WLS: variants seen among roughly 807,000 people sequenced by gnomAD.
The protein encoded by WLS is protein wntless homolog.
A neutral mutation model predicts 62.8 loss-of-function variants in WLS; 23 were observed. The observed-to-expected ratio is 0.37, with a 90% CI of 0.26 to 0.52. The LOEUF (loss-of-function observed/expected upper bound fraction) is 0.52. Among genes scored for constraint, WLS ranks in the 20% least tolerant of loss-of-function variants. WLS has a pLI of 0.92. For synonymous variants in WLS, 246 were observed against 244.1 expected (o/e 1.01, Z -0.07); for missense variants, 615 against 697.3 (o/e 0.88, Z 1.33).
chr1:68,170,656 A>G (rs951376965), intron 2 of WLS, among the ~76,000 whole-genome samples: 2 of 151,850 alleles, frequency 1.3e-5, no homozygotes, highest in Admixed American at 6.6e-5. Context: ...CATCTTCTGG[A>G]ATTCCCCCCA....
At chr1:68,193,431 A>AAAAAAAAAAAAC (rs1648468671) in intron 2 of WLS, among the ~76,000 whole-genome samples, 1 of 140,886 alleles carries the variant, frequency 7.1e-6, no homozygotes, top group African/African-American at 2.8e-5. Context: ...AAAAAAAAAA[A>AAAAAAAAAAAAC]AAAAAAAAAA....
At chr1:68,151,407 A>C (rs1269429894) in intron 5 of WLS, among the ~76,000 whole-genome samples, 1 of 152,224 alleles carries the variant, frequency 6.6e-6, no homozygotes, top group Non-Finnish European at 1.5e-5. Context: ...ATCCAATAAA[A>C]AGTTTAAACA....
At chr1:68,149,092 T>C (rs568217547) in intron 6 of WLS, among the ~76,000 whole-genome samples, 19 of 152,336 alleles carry the variant, frequency 1.2e-4, no homozygotes, top group African/African-American at 4.6e-4. Flanking sequence ...GTGTCTATTA[T>C]GGTGAGGAAA....
chr1:68,116,446 C>T (rs1216381038), intron 11 of WLS, among the ~76,000 whole-genome samples: 2 of 152,284 alleles, frequency 1.3e-5, no homozygotes, highest in East Asian at 3.9e-4. Flanking sequence ...TCTATCAGAA[C>T]TCATTGGTGA....
chr1:68,188,890 T>C (rs986276598), intron 2 of WLS, among the ~76,000 whole-genome samples: 8 of 152,220 alleles, frequency 5.3e-5, no homozygotes, highest in African/African-American at 1.9e-4. Context: ...GAGTCTTATT[T>C]GTTAGTCACT....
intron 11 of WLS, among the ~76,000 whole-genome samples, chr1:68,107,345 G>T (rs1010018839): frequency 4.2e-4 from 64 of 151,774 alleles, no homozygotes; most frequent in African/African-American, 1.5e-3. Flanking sequence ...TCTTTGAACG[G>T]TTTTTTATTG....
chr1:68,193,299 G>T (rs2100602458), intron 2 of WLS, among the ~76,000 whole-genome samples: 1 of 147,338 alleles, frequency 6.8e-6, no homozygotes, highest in East Asian at 2.0e-4. Flanking sequence ...GTCCCCAGAT[G>T]CCATACATGT....
At chr1:68,136,247 A>T (rs1557467386) in intron 11 of WLS, among the ~76,000 whole-genome samples, 1 of 152,182 alleles carries the variant, frequency 6.6e-6, no homozygotes, top group Non-Finnish European at 1.5e-5. Flanking sequence ...CTGAAGGCTA[A>T]TCTAGAACTC....
intron 2 of WLS, among the ~76,000 whole-genome samples, chr1:68,183,935 A>G (rs928799817): frequency 4.6e-5 from 7 of 152,186 alleles, no homozygotes; most frequent in African/African-American, 1.4e-4. Flanking sequence ...ACCATTTGCA[A>G]TAATGAAACA....
Position 68,145,925 on chromosome 1 carries a change from T to C in WLS, c.1222A>G (p.Ser408Gly). The change falls in exon 9 of 12, where the codon AGT (serine) becomes GGT (glycine). Residue 408 changes from serine to glycine, a missense_variant. By Grantham distance (56) the Ser-to-Gly change is moderately conservative. Transcript: ENST00000262348. ...GCTGGCAGGCTGGACTGCTTCCCACTGATGTTCCGAAACACCTGAAATACC... is the reference window on the plus strand; with the variant it reads ...GCTGGCAGGCTGGACTGCTTCCCACCGATGTTCCGAAACACCTGAAATACC... ...FMVFQVFRNISGKQSSLPAMS... is the reference protein window; with the variant it reads ...FMVFQVFRNIGGKQSSLPAMS... 6.2e-7 allele frequency: 1 copy of C among 1,614,108 alleles called. No individual in the cohort carries two copies. The highest frequency in any genetic ancestry group is 8.5e-7 in the Non-Finnish European group (1 of 1,180,024).
At chr1:68,185,286 C>T (rs1647859127) in intron 2 of WLS, among the ~76,000 whole-genome samples, 1 of 152,206 alleles carries the variant, frequency 6.6e-6, no homozygotes, top group South Asian at 2.1e-4. Flanking sequence ...TGATTTGCTA[C>T]AGAGGCTCAC....
intron 10 of WLS, among the ~76,000 whole-genome samples, chr1:68,138,791 C>T (rs1298259095): frequency 2.0e-5 from 3 of 152,146 alleles, no homozygotes; most frequent in Admixed American, 6.5e-5. Flanking sequence ...CTGCTTACTA[C>T]GGGACACTTA....
Position 68,159,198 on chromosome 1 carries a change from G to A in WLS, c.429C>T (p.Asp143=), listed in dbSNP as rs144335297. The change falls in exon 3 of 12, where the codon GAC becomes GAT. Residue 143 remains aspartate (D), a synonymous_variant. Coordinates refer to ENST00000262348, the MANE Select transcript of WLS (RefSeq NM_024911.7). The part of the protein sequence containing the change: ...SMDVSLAYRD[D]AFAEWTEMAH... Reference sequence around the variant, plus strand: ...CCATTTCAGTCCACTCAGCAAACGCGTCATCACGGTAAGCCAGGGAAACGT... The same window carrying A: ...CCATTTCAGTCCACTCAGCAAACGCATCATCACGGTAAGCCAGGGAAACGT... 1,012 of 1,613,992 alleles carry A rather than the reference G, an allele frequency of 6.3e-4. 1 individual carries two copies. Among genetic ancestry groups the A allele is most frequent in the Non-Finnish European group, 7.8e-4 (921 of 1,179,958 alleles).
At chr1:68,205,045 C>T (rs373279572) in intron 1 of WLS, among the ~76,000 whole-genome samples, 1 of 152,168 alleles carries the variant, frequency 6.6e-6, no homozygotes, top group African/African-American at 2.4e-5. Flanking sequence ...ATGTAACTAA[C>T]AAAATTTTAT....
chr1:68,109,878 C>A (rs75178809), intron 11 of WLS, among the ~76,000 whole-genome samples: 4,375 of 151,782 alleles, frequency 0.029, 116 homozygotes, highest in Middle Eastern at 0.095. Flanking sequence ...CAGCAACAAA[C>A]TTCTGGAAAA....
At chr1:68,173,769 T>C (rs1047100906) in intron 2 of WLS, among the ~76,000 whole-genome samples, 1 of 152,090 alleles carries the variant, frequency 6.6e-6, no homozygotes. Context: ...GCTACAGAGA[T>C]TCAGGCAATA....
At chr1:68,116,035 T>A (rs867816135) in intron 11 of WLS, among the ~76,000 whole-genome samples, 5 of 152,116 alleles carry the variant, frequency 3.3e-5, no homozygotes, top group African/African-American at 1.2e-4. Flanking sequence ...TTGCTGTAGG[T>A]TGTCCCTTTG....
intron 11 of WLS, among the ~76,000 whole-genome samples, chr1:68,116,010 T>A (rs893380212): frequency 6.6e-6 from 1 of 152,222 alleles, no homozygotes; most frequent in Non-Finnish European, 1.5e-5. Context: ...CCCCTGCAGC[T>A]GTCCTGAATT....
At chr1:68,190,755 A>T (rs1648245036) in intron 2 of WLS, among the ~76,000 whole-genome samples, 1 of 152,120 alleles carries the variant, frequency 6.6e-6, no homozygotes, top group Admixed American at 6.5e-5. Context: ...AGAAATGAGG[A>T]GCTAAGAAAT....
Sources: gnomAD v4.1 joint callset for allele counts (sites outside exome capture counted in the v4.1 genomes callset) on GRCh38, gnomAD v4.1.1 for gene constraint, MANE v1.5 for transcripts, NCBI Gene and HGNC (gene_info 2026-07-23, HGNC 2026-07-21) for gene names.